Variants in PDS5B observed in about 807,000 individuals in gnomAD.
PDS5B encodes the protein PDS5 cohesin associated factor B, also known as sister chromatid cohesion protein PDS5 homolog B.
Under a neutral mutation model 184.1 loss-of-function variants are expected in PDS5B, and 51 were observed. That is an observed-to-expected ratio of 0.28 (90% CI 0.22 to 0.35). The LOEUF (loss-of-function observed/expected upper bound fraction) is 0.35, where lower values mean the gene tolerates loss of function less well. PDS5B is among the 10% of genes least tolerant of loss of function. The pLI is 1.00. For synonymous variants in PDS5B, 566 were observed against 569.2 expected (o/e 0.99, Z 0.08); for missense variants, 1,180 against 1,723.3 (o/e 0.68, Z 5.58).
intron 19 of PDS5B, among the ~76,000 whole-genome samples, chr13:32,722,843 C>A (rs1952765201): frequency 6.6e-6 from 1 of 152,208 alleles, no homozygotes; most frequent in Non-Finnish European, 1.5e-5. Flanking sequence ...ATGGCATGGC[C>A]TGGCTGTTGC....
At chr13:32,668,651 CTT>C (rs1950860414) in intron 7 of PDS5B, among the ~76,000 whole-genome samples, 2 of 152,138 alleles carry the variant, frequency 1.3e-5, no homozygotes, top group Non-Finnish European at 2.9e-5. Flanking sequence ...CCTCCACCTG[CTT>C]TTCAGTTTCA....
intron 16 of PDS5B, chr13:32,701,100 C>T (rs1343546796): frequency 1.2e-5 from 4 of 333,808 alleles, no homozygotes; most frequent in East Asian, 5.1e-5. Flanking sequence ...AATTTCAATA[C>T]AGTGTATTGA....
intron 6 of PDS5B, among the ~76,000 whole-genome samples, chr13:32,664,615 G>A (rs9535124): frequency 1.3e-5 from 2 of 152,150 alleles, no homozygotes; most frequent in South Asian, 2.1e-4. Flanking sequence ...CATTATCCCA[G>A]CACTTTGGGA....
At chr13:32,716,798 G>C in intron 19 of PDS5B, among the ~76,000 whole-genome samples, 1 of 140,924 alleles carries the variant, frequency 7.1e-6, no homozygotes, top group African/African-American at 2.6e-5. Context: ...GAGGTGGGGG[G>C]GTCAGCCCCC....
intron 6 of PDS5B, among the ~76,000 whole-genome samples, chr13:32,665,876 G>A (rs2874282): frequency 0.38 from 58,272 of 151,802 alleles, 11,636 homozygotes; most frequent in Non-Finnish European, 0.44. Context: ...TGGAACTGGA[G>A]GTTATTTTGT....
chr13:32,770,403 AAAG>A lies in PDS5B; in HGVS notation c.3912_3914del (p.Glu1305del). ...AAAACCTCTTGGTGGAGGTACACCA[AAAG>A]AAGAGCCAACAATGAAAACTTCTAA... is the stretch of plus-strand genomic sequence containing the variant. On this transcript the variant is annotated inframe_deletion, in exon 32 of 35. Transcript: ENST00000315596. 1 of 1,613,710 alleles carries A rather than the reference AAAG, an allele frequency of 6.2e-7. No homozygotes were observed. Among genetic ancestry groups the A allele is most frequent in the Non-Finnish European group, 8.5e-7 (1 of 1,179,976 alleles).
At chr13:32,724,405 TTTA>T (rs1324090615) in intron 19 of PDS5B, among the ~76,000 whole-genome samples, 3 of 152,174 alleles carry the variant, frequency 2.0e-5, no homozygotes, top group Non-Finnish European at 2.9e-5. Flanking sequence ...GCAAGTAAGA[TTTA>T]TACATTGTGA....
chr13:32,774,959 G>A (rs1954907057), intron 34 of PDS5B, 58 bp from the exon 35 acceptor site: 1 of 1,384,020 alleles, frequency 7.2e-7, no homozygotes, highest in African/African-American at 1.4e-5. Context: ...AATGATTACT[G>A]CATATCTTAT....
intron 18 of PDS5B, among the ~76,000 whole-genome samples, chr13:32,709,668 A>G (rs988785469): frequency 8.5e-5 from 13 of 152,124 alleles, no homozygotes; most frequent in African/African-American, 2.4e-4. Context: ...AACCTGAACA[A>G]TAATCAAAAT....
chr13:32,608,638 T>C (rs997175458), intron 1 of PDS5B, among the ~76,000 whole-genome samples: 8 of 152,178 alleles, frequency 5.3e-5, no homozygotes, highest in Non-Finnish European at 1.0e-4. Flanking sequence ...GGAAGTGAGC[T>C]GACCCATAAG....
intron 6 of PDS5B, among the ~76,000 whole-genome samples, chr13:32,660,291 C>G (rs1025687697): frequency 6.6e-6 from 1 of 152,204 alleles, no homozygotes; most frequent in African/African-American, 2.4e-5. Context: ...GTGCCCACAT[C>G]TAGTTATAAT....
chr13:32,711,599 C>G (rs938227584), intron 19 of PDS5B, among the ~76,000 whole-genome samples: 1 of 152,076 alleles, frequency 6.6e-6, no homozygotes, highest in African/African-American at 2.4e-5. Flanking sequence ...CTCAAGTGAT[C>G]TGCCCGCTTC....
chr13:32,688,313 A>G lies in PDS5B; in HGVS notation c.1356-143A>G, dbSNP rs76804558. 2.4e-3 allele frequency: 1,283 copies of G among 533,114 alleles called. 20 individuals carry two copies. Among genetic ancestry groups the G allele is most frequent in the African/African-American group, 0.023 (1,188 of 52,448 alleles). 33.0% of individuals were successfully genotyped at this position (533,114 alleles called of 1,614,324 possible). A position where few individuals can be genotyped will look rare whatever the true frequency, so the allele number is the denominator to read the frequency against. ...TGGTCCCCTTCTATCTACAGATAGA[A>G]GGTTTTGATTTGGAAATCTCATTTC... is the stretch of plus-strand genomic sequence containing the variant. On this transcript the variant is annotated intron_variant, in intron 12 of 34. Transcript: ENST00000315596.
At chr13:32,678,734 CTG>C (rs1396588858) in intron 9 of PDS5B, 99 bp from the exon 10 acceptor site, 5 of 694,818 alleles carry the variant, frequency 7.2e-6, no homozygotes, top group South Asian at 3.7e-5. Context: ...CCTTCATAAA[CTG>C]TTTTTTCTTT....
intron 1 of PDS5B, among the ~76,000 whole-genome samples, chr13:32,646,964 T>C (rs1369048477): frequency 6.6e-6 from 1 of 152,218 alleles, no homozygotes; most frequent in African/African-American, 2.4e-5. Flanking sequence ...AGAAGTCACC[T>C]GTTAGTTTAA....
rs1237861817 is a variant in PDS5B, at chr13:32,651,284, T to G, written c.109-520T>G. ...CGTGGTAGATACTTCATAGTAGCTT[T>G]TCAGTGTTGAGGGATGCATCTTTGA... On this transcript the variant is annotated intron_variant, in intron 2 of 34. Coordinates refer to ENST00000315596, the MANE Select transcript of PDS5B (RefSeq NM_015032.4). Among the ~76,000 whole-genome samples, 9 of 152,216 alleles carry G rather than the reference T, an allele frequency of 5.9e-5. No individual in the cohort carries two copies. The East Asian group carries it at 1.7e-3, about 29-fold the overall frequency.
intron 3 of PDS5B, among the ~76,000 whole-genome samples, chr13:32,654,760 G>GA (rs1401366786): frequency 6.6e-6 from 1 of 152,052 alleles, no homozygotes; most frequent in African/African-American, 2.4e-5. Context: ...TTTAGCTCCT[G>GA]GTGATAAGTG....
At chr13:32,700,540 A>G (rs1362450176) in intron 16 of PDS5B, among the ~76,000 whole-genome samples, 2 of 151,986 alleles carry the variant, frequency 1.3e-5, no homozygotes, top group Non-Finnish European at 2.9e-5. Flanking sequence ...TTGGCCATTC[A>G]TATTTCTTTT....
chr13:32,611,293 ACTT>A (rs1412882927), intron 1 of PDS5B, among the ~76,000 whole-genome samples: 1 of 151,914 alleles, frequency 6.6e-6, no homozygotes, highest in Non-Finnish European at 1.5e-5. Flanking sequence ...CACTAAATTT[ACTT>A]CTTTTATTAT....
Sources: gnomAD v4.1 joint callset for allele counts (sites outside exome capture counted in the v4.1 genomes callset) on GRCh38, gnomAD v4.1.1 for gene constraint, MANE v1.5 for transcripts, NCBI Gene and HGNC (gene_info 2026-07-23, HGNC 2026-07-21) for gene names.